The following ST3GAL3 variants were observed in gnomAD, a reference collection of about 807,000 sequenced individuals.
ST3GAL3 encodes the protein ST3 beta-galactoside alpha-2,3-sialyltransferase 3.
A neutral mutation model predicts 50.1 loss-of-function variants in ST3GAL3; 21 were observed. The ratio of observed to expected loss-of-function variants is 0.42; its 90% CI spans 0.30 to 0.60. The LOEUF (loss-of-function observed/expected upper bound fraction) is 0.60, where lower values mean the gene tolerates loss of function less well. Ranked by LOEUF, ST3GAL3 falls within the 20% of genes least tolerant of loss-of-function variation. The probability of loss-of-function intolerance (pLI) is 0.19; values close to 1 mark genes in which losing one functional copy is unlikely to be tolerated. For missense variants in ST3GAL3, 353 were observed against 489.4 expected, an observed-to-expected ratio of 0.72 and a Z score of 2.63; for synonymous variants, 183 against 190.0, an observed-to-expected ratio of 0.96 and a Z score of 0.30.
chr1:43,744,163 T>G (rs577083409), intron 2 of ST3GAL3, among the ~76,000 whole-genome samples: 1 of 152,212 alleles, frequency 6.6e-6, no homozygotes, highest in Non-Finnish European at 1.5e-5. Flanking sequence ...TTACAATTTT[T>G]TGTATGTAGG....
chr1:43,777,870 C>A (rs958208937), intron 2 of ST3GAL3, among the ~76,000 whole-genome samples: 1 of 152,094 alleles, frequency 6.6e-6, no homozygotes, highest in African/African-American at 2.4e-5. Flanking sequence ...GACAGTGTGG[C>A]AATTCCTTAA....
At chr1:43,745,466 A>G (rs1683215595) in intron 2 of ST3GAL3, among the ~76,000 whole-genome samples, 1 of 152,204 alleles carries the variant, frequency 6.6e-6, no homozygotes, top group African/African-American at 2.4e-5. Context: ...GTTAAGGATG[A>G]GTATTGTTAG....
At chr1:43,797,133 A>G (rs1232632183) in intron 3 of ST3GAL3, among the ~76,000 whole-genome samples, 1 of 152,238 alleles carries the variant, frequency 6.6e-6, no homozygotes, top group African/African-American at 2.4e-5. Context: ...GGCTGCAGTT[A>G]GCTATGATCA....
chr1:43,793,539 T>C (rs1478448962), intron 3 of ST3GAL3, among the ~76,000 whole-genome samples: 1 of 152,192 alleles, frequency 6.6e-6, no homozygotes, highest in Non-Finnish European at 1.5e-5. Context: ...AGTAACCTGT[T>C]CAGGGCCATT....
chr1:43,842,150 C>T (rs1264039712), intron 5 of ST3GAL3: 1 of 152,174 alleles, frequency 6.6e-6, no homozygotes, highest in Admixed American at 6.5e-5. Flanking sequence ...TGGCCATATC[C>T]CTATCAACAT....
intron 1 of ST3GAL3, 52 bp downstream of exon 1, chr1:43,707,745 G>T (rs1225610563): frequency 6.6e-6 from 1 of 151,892 alleles, no homozygotes; most frequent in African/African-American, 2.4e-5. Flanking sequence ...CGCGAATAAC[G>T]GTCGCCGCTC....
chr1:43,860,099 C>T (rs950855447), intron 5 of ST3GAL3, among the ~76,000 whole-genome samples: 5 of 152,188 alleles, frequency 3.3e-5, no homozygotes, highest in African/African-American at 1.2e-4. Context: ...CCTCCCTACC[C>T]CTGAGGGCGT....
chr1:43,813,068 A>G (rs1443835207), intron 3 of ST3GAL3, among the ~76,000 whole-genome samples: 1 of 152,190 alleles, frequency 6.6e-6, no homozygotes, highest in Non-Finnish European at 1.5e-5. Flanking sequence ...GTATAAGAGT[A>G]TTACATTCTC....
intron 1 of ST3GAL3, among the ~76,000 whole-genome samples, chr1:43,722,122 C>T (rs1670785583): frequency 1.3e-5 from 2 of 152,168 alleles, no homozygotes; most frequent in South Asian, 4.1e-4. Context: ...GACTATATGA[C>T]AGGGAAACCT....
At chr1:43,927,908 A>G (rs2084294172) in intron 11 of ST3GAL3, among the ~76,000 whole-genome samples, 1 of 152,144 alleles carries the variant, frequency 6.6e-6, no homozygotes, top group African/African-American at 2.4e-5. Context: ...GAGGGAAGAA[A>G]CGGTCACCAC....
At chr1:43,759,302 G>A (rs1689403084) in intron 2 of ST3GAL3, among the ~76,000 whole-genome samples, 1 of 152,096 alleles carries the variant, frequency 6.6e-6, no homozygotes, top group Non-Finnish European at 1.5e-5. Flanking sequence ...AAATTAGCTG[G>A]GCGTGGTGGC....
chr1:43,861,283 G>A (rs1040350756), intron 5 of ST3GAL3, among the ~76,000 whole-genome samples: 1 of 152,146 alleles, frequency 6.6e-6, no homozygotes, highest in Admixed American at 6.6e-5. Context: ...GGCATTTATG[G>A]GGATAACACT....
At chr1:43,917,486 T>TATATAATAC (rs1435566940) in intron 9 of ST3GAL3, among the ~76,000 whole-genome samples, 4 of 72,636 alleles carry the variant, frequency 5.5e-5, no homozygotes, top group African/African-American at 2.1e-4. Context: ...ATATATAATA[T>TATATAATAC]ATAATATATA....
intron 3 of ST3GAL3, among the ~76,000 whole-genome samples, chr1:43,794,218 A>C (rs1297215890): frequency 2.6e-5 from 4 of 152,230 alleles, no homozygotes; most frequent in Non-Finnish European, 5.9e-5. Context: ...AGTCAATAGG[A>C]ATAAAGGAGC....
intron 2 of ST3GAL3, among the ~76,000 whole-genome samples, chr1:43,779,158 T>A (rs1175833165): frequency 6.8e-6 from 1 of 147,332 alleles, no homozygotes; most frequent in Non-Finnish European, 1.5e-5. Flanking sequence ...GCCAGGCTAG[T>A]CTCAAACTCC....
In ST3GAL3 at chr1:43,899,879, G is replaced by T; in HGVS notation, c.744+152G>T. 1 of 825,122 alleles carries T rather than the reference G, an allele frequency of 1.2e-6. No individual in the cohort carries two copies. The highest frequency in any genetic ancestry group is 2.0e-6 in the Non-Finnish European group (1 of 497,850). 51.1% of individuals were successfully genotyped at this position (825,122 alleles called of 1,614,324 possible). A position where few individuals can be genotyped will look rare whatever the true frequency, so the allele number is the denominator to read the frequency against. On this transcript the variant is annotated intron_variant, in intron 9 of 11. Transcript: ENST00000347631. This position sits in a 1 kb window ranked among gnomAD's most constrained non-coding sequence, Gnocchi z 5.4. ...GCCGAAATCACCCAATGGCAACCAG[G>T]GGGCAAAGAGGTCAGGAGATTGCCC...
chr1:43,713,597 C>A (rs1185935535), intron 1 of ST3GAL3, among the ~76,000 whole-genome samples: 2 of 140,666 alleles, frequency 1.4e-5, no homozygotes, highest in Non-Finnish European at 3.0e-5. Context: ...ATGATATGAT[C>A]ACGATTCACT....
At chr1:43,735,109 C>T (rs796112559) in intron 1 of ST3GAL3, among the ~76,000 whole-genome samples, 8 of 152,150 alleles carry the variant, frequency 5.3e-5, no homozygotes, top group African/African-American at 1.4e-4. Flanking sequence ...GAGAGTAAAT[C>T]GAGGCTCAGT....
rs202168722 is a variant in ST3GAL3, at chr1:43,721,909, AT to A, written c.-31+14224del. Among the ~76,000 whole-genome samples the A allele has an allele frequency of 2.7e-3, 412 of 151,910 alleles. 2 individuals are homozygous for A. The highest frequency in any genetic ancestry group is 9.6e-3 in the African/African-American group (400 of 41,468). On this transcript the variant is annotated intron_variant, in intron 1 of 11. Coordinates refer to ENST00000347631, the MANE Select transcript of ST3GAL3 (RefSeq NM_006279.5). The stretch of plus-strand genomic sequence containing the variant: ...AGCCACATACCCGGCCCCCTCATGT[AT>A]TTTTTTTCAAGCACACTGTAACTGA...
Sources: allele counts gnomAD v4.1 joint callset (sites outside exome capture counted in the v4.1 genomes callset), GRCh38; gene constraint gnomAD v4.1.1; non-coding constraint Gnocchi (gnomAD v3.1); transcripts MANE v1.5; gene names NCBI Gene and HGNC (gene_info 2026-07-23, HGNC 2026-07-21).